U2SURP: variants seen among roughly 807,000 people sequenced by gnomAD.
U2SURP encodes U2 snRNP-associated SURP motif-containing protein.
In U2SURP, 9 loss-of-function variants were observed where a neutral mutation model predicts 144.9. That is an observed-to-expected ratio of 0.06 (90% confidence interval 0.04 to 0.11). The LOEUF is 0.11. U2SURP is among the 10% of genes least tolerant of loss of function. The pLI is 1.00. For missense variants in U2SURP, 724 were observed against 1,226.7 expected (o/e 0.59, Z 6.12); for synonymous variants, 408 against 396.8 (o/e 1.03, Z -0.33).
At chr3:143,029,477 G>A (rs985707098) in intron 16 of U2SURP, among the ~76,000 whole-genome samples, 1 of 151,940 alleles carries the variant, frequency 6.6e-6, no homozygotes, top group African/African-American at 2.4e-5. Context: ...GATTGTTTTG[G>A]GGCACCACAA....
intron 20 of U2SURP, 57 bp downstream of exon 20, chr3:143,036,161 TC>T (rs2108298430): frequency 6.5e-7 from 1 of 1,527,034 alleles, no homozygotes; most frequent in East Asian, 2.3e-5. Flanking sequence ...GGTGGAGGTT[TC>T]TTGGAGTTGT....
chr3:143,038,924 A>G lies in U2SURP; in HGVS notation c.2348A>G (p.Asp783Gly). The G allele has an allele frequency of 6.5e-7, 1 of 1,546,072 alleles. No homozygotes were observed. Among genetic ancestry groups the G allele is most frequent in the Non-Finnish European group, 8.7e-7 (1 of 1,148,560 alleles). ...AVTTSKWELF[D>G]QHEESEEEEN... ...ACAACTTCTAAATGGGAATTATTTG[A>G]CCAGCATGAAGAATCAGAAGAAGAA... is the stretch of plus-strand genomic sequence containing the variant. Residue 783 changes from aspartate (D) to glycine (G), a missense_variant, in exon 23 of 28, where the codon GAC becomes GGC. This residue lies in a region of U2SURP where 50 missense variants were observed against 48.0 expected (regional missense o/e 1.04). Transcript: ENST00000473835.
In U2SURP at chr3:143,010,681, G is replaced by A; in HGVS notation, c.46-134G>A. 4 of 515,458 alleles carry A rather than the reference G, an allele frequency of 7.8e-6. No individual in the cohort carries two copies. The South Asian group carries it at 1.5e-4, about 19-fold the overall frequency. 31.9% of individuals were successfully genotyped at this position (515,458 alleles called of 1,614,324 possible). On this transcript the variant is annotated intron_variant, in intron 1 of 27. Transcript: ENST00000473835. ...ACAATCTTTTCATAAGTCAGAGACTGCCTTTGCTCAGTTTTATTAGCTGAG... is the reference window on the plus strand; with the variant it reads ...ACAATCTTTTCATAAGTCAGAGACTACCTTTGCTCAGTTTTATTAGCTGAG...
At position 143,016,919 on chromosome 3, in the gene U2SURP, A is replaced by C. The variant is rs776690765; in HGVS notation, c.514A>C (p.Asn172His). Reference protein sequence around the residue: ...SRFADQKNPPNQSSNERPPSL... With the variant: ...SRFADQKNPPHQSSNERPPSL... ...ATTTGCAGATCAAAAAAATCCTCCA[A>C]ATCAGTCTTCCAATGAAAGACCACC... The change falls in exon 6 of 28, where the codon AAT becomes CAT. Residue 172 changes from asparagine to histidine, a missense_variant. Coordinates refer to ENST00000473835, the MANE Select transcript of U2SURP (RefSeq NM_001080415.2). 2 of 1,596,042 alleles carry C rather than the reference A, an allele frequency of 1.3e-6. No homozygotes were observed. Among genetic ancestry groups the C allele is most frequent in the Non-Finnish European group, 8.5e-7 (1 of 1,173,558 alleles).
At chr3:143,022,056 G>A (rs1246680719) in intron 10 of U2SURP, among the ~76,000 whole-genome samples, 1 of 152,092 alleles carries the variant, frequency 6.6e-6, no homozygotes, top group Non-Finnish European at 1.5e-5. Context: ...TTGATTACAT[G>A]GGTAGTTGAT....
At chr3:143,009,622 G>T (rs1015446979) in intron 1 of U2SURP, among the ~76,000 whole-genome samples, 1 of 151,718 alleles carries the variant, frequency 6.6e-6, no homozygotes, top group Admixed American at 6.6e-5. Context: ...ATGAAAGAAA[G>T]AATGAGATGG....
Position 143,051,616 on chromosome 3 carries a change from A to AAG in U2SURP, c.2655+568_2655+569insGA, listed in dbSNP as rs1553847099. Among the ~76,000 whole-genome samples the AAG allele has an allele frequency of 2.2e-4, 34 of 151,214 alleles. No individual in the cohort carries two copies. In the South Asian group the frequency reaches 5.4e-3, roughly 24 times the overall value. ...GACTGTCGTTGCAAAAAAAAAAAAA[A>AAG]AAAAAGAAAAACCAATAATAATGAG... On this transcript the variant is annotated intron_variant, in intron 25 of 27. Coordinates refer to ENST00000473835, the MANE Select transcript of U2SURP (RefSeq NM_001080415.2).
chr3:143,053,850 T>G (rs1451231360), intron 26 of U2SURP, 56 bp downstream of exon 26: 10 of 1,378,544 alleles, frequency 7.3e-6, no homozygotes. Flanking sequence ...TGCAGTGGTG[T>G]TTTATAATAC....
chr3:143,021,645 T>C lies in U2SURP; in HGVS notation c.852+90T>C, dbSNP rs541127411. 2.3e-4 allele frequency: 287 copies of C among 1,247,462 alleles called. 2 individuals are homozygous for C. In the Middle Eastern group the frequency reaches 4.3e-3, roughly 19 times the overall value. 77.3% of individuals were successfully genotyped at this position (1,247,462 alleles called of 1,614,324 possible). On this transcript the variant is annotated intron_variant, in intron 10 of 27. Transcript: ENST00000473835. ...TCAAAAAAAATCAAGATTCTGAAGC[T>C]GACAAATCTGATGGAATTGGATAGT...
chr3:143,045,680 T>C (rs1284932383), intron 24 of U2SURP, among the ~76,000 whole-genome samples: 2 of 152,240 alleles, frequency 1.3e-5, no homozygotes, highest in Non-Finnish European at 2.9e-5. Flanking sequence ...CTTCATGTGC[T>C]CTTTTGTAAT....
chr3:143,003,270 T>C (rs115019401), intron 1 of U2SURP, among the ~76,000 whole-genome samples: 39 of 152,344 alleles, frequency 2.6e-4, no homozygotes, highest in Non-Finnish European at 4.4e-4. Context: ...GATTTCTTAC[T>C]GATGTCTGTG....
rs767179188 is a variant in U2SURP, at chr3:143,021,452, CT to C, written c.770-14del. ...ACTTTATGTTTTGCAGGTTATAATT[CT>C]TTTTTTCTTTCTGCCCTAGTTCTTG... On this transcript the variant is annotated intron_variant, in intron 9 of 27. Transcript: ENST00000473835. 5.6e-6 allele frequency: 9 copies of C among 1,612,858 alleles called. No individual in the cohort carries two copies. The African/African-American group carries it at 9.3e-5, about 17-fold the overall frequency.
rs1936398484 is a variant in U2SURP at position 143,016,930 on chromosome 3, C to T, written c.525C>T (p.Ser175=). Residue 175 remains serine, a synonymous_variant, in exon 6 of 28, where the codon TCC becomes TCT. Coordinates refer to ENST00000473835, the MANE Select transcript of U2SURP (RefSeq NM_001080415.2). ...ADQKNPPNQS[S]NERPPSLLVI... Reference sequence around the variant, plus strand: ...AAAAAAATCCTCCAAATCAGTCTTCCAATGAAAGACCACCATCTCTTCTTG... The same window carrying T: ...AAAAAAATCCTCCAAATCAGTCTTCTAATGAAAGACCACCATCTCTTCTTG... 6.3e-7 allele frequency: 1 copy of T among 1,592,722 alleles called. No individual in the cohort carries two copies. The highest frequency in any genetic ancestry group is 8.5e-7 in the Non-Finnish European group (1 of 1,172,348).
intron 1 of U2SURP, among the ~76,000 whole-genome samples, chr3:143,007,025 G>A (rs1228646428): frequency 6.6e-6 from 1 of 152,172 alleles, no homozygotes; most frequent in Admixed American, 6.5e-5. Context: ...AAGTAAAATT[G>A]GAGCAGCCAG....
intron 1 of U2SURP, among the ~76,000 whole-genome samples, chr3:143,010,222 A>G (rs1016181211): frequency 1.3e-5 from 2 of 152,246 alleles, no homozygotes; most frequent in African/African-American, 4.8e-5. Context: ...CATCACTGGA[A>G]GATATTATAT....
intron 17 of U2SURP, among the ~76,000 whole-genome samples, 153 bp from the exon 18 acceptor site, chr3:143,033,118 A>G (rs1933598264): frequency 6.6e-6 from 1 of 152,198 alleles, no homozygotes; most frequent in Non-Finnish European, 1.5e-5. Flanking sequence ...ACAAGTTGAA[A>G]TGTAAATGGG....
rs1313073143 is a variant in U2SURP at position 143,020,825 on chromosome 3, A to T, written c.733+132A>T. 6.2e-6 allele frequency: 4 copies of T among 640,552 alleles called. No homozygotes were observed. In the African/African-American group the frequency reaches 7.3e-5, roughly 12 times the overall value. 39.7% of individuals were successfully genotyped at this position (640,552 alleles called of 1,614,324 possible). On this transcript the variant is annotated intron_variant, in intron 8 of 27. Coordinates refer to ENST00000473835, the MANE Select transcript of U2SURP (RefSeq NM_001080415.2). ...ATGGATATATACTATCCTTTTCCTT[A>T]CACATTCATAGCTGTGGTAAAAATT...
chr3:143,022,541 G>A lies in U2SURP; in HGVS notation c.897G>A (p.Pro299=), dbSNP rs753367045. The A allele has an allele frequency of 4.5e-5, 72 of 1,609,844 alleles. No individual in the cohort carries two copies. The highest frequency in any genetic ancestry group is 3.3e-4 in the Middle Eastern group (2 of 6,066). The part of the protein sequence containing the change: ...MLCQEFGRFG[P]LASVKIMWPR... ...GCCAAGAATTTGGAAGATTTGGACCGTTAGCCAGTGTGAAAATCATGTGGC... is the reference window on the plus strand; with the variant it reads ...GCCAAGAATTTGGAAGATTTGGACCATTAGCCAGTGTGAAAATCATGTGGC... Residue 299 remains proline, a synonymous_variant, in exon 11 of 28, where the codon CCG becomes CCA. Coordinates refer to ENST00000473835, the MANE Select transcript of U2SURP (RefSeq NM_001080415.2).
At position 143,010,864 on chromosome 3, in the gene U2SURP, G is replaced by A. The variant is rs1200177470; in HGVS notation, c.90+5G>A. On this transcript the variant is annotated splice_donor_5th_base_variant and intron_variant, in intron 2 of 27. Transcript: ENST00000473835. ...TCTGGATCTTCAGATGCACATGTGA[G>A]TATAGAAGGCAATCTTTGTCTTTTT... The A allele has an allele frequency of 2.5e-6, 4 of 1,601,298 alleles. No homozygotes were observed. Among genetic ancestry groups the A allele is most frequent in the East Asian group, 2.2e-5 (1 of 44,678 alleles).
Sources: gnomAD v4.1 joint callset for allele counts (sites outside exome capture counted in the v4.1 genomes callset) on GRCh38, gnomAD v4.1.1 for gene constraint, gnomAD v4.1.1 regional missense constraint, MANE v1.5 for transcripts, NCBI Gene and HGNC (gene_info 2026-07-23, HGNC 2026-07-21) for gene names.